The following CSMD3 variants were observed in gnomAD, a reference collection of about 807,000 sequenced individuals.
CSMD3 encodes the protein CUB and Sushi multiple domains 3, also known as CUB and sushi domain-containing protein 3.
Under a neutral mutation model 435.2 loss-of-function variants are expected in CSMD3, and 177 were observed. The observed-to-expected ratio is 0.41, with a 90% CI of 0.36 to 0.46. The LOEUF is 0.46. CSMD3 is among the 20% of genes least tolerant of loss of function. The pLI is 0.34. For missense variants in CSMD3, 4,265 were observed against 4,504.6 expected, an observed-to-expected ratio of 0.95 and a Z score of 1.52; for synonymous variants, 1,656 against 1,520.5, an observed-to-expected ratio of 1.09 and a Z score of -2.07.
chr8:113,071,173 G>C (rs2089099099), intron 5 of CSMD3, among the ~76,000 whole-genome samples: 1 of 151,764 alleles, frequency 6.6e-6, no homozygotes, highest in South Asian at 2.1e-4. Context: ...TCACTTATTT[G>C]TTTTTGTTTT....
chr8:112,310,705 C>A lies in CSMD3; in HGVS notation c.7885+273G>T, dbSNP rs1417269733. 5 of 489,624 alleles carry A rather than the reference C, an allele frequency of 1.0e-5. No homozygotes were observed. In the East Asian group the frequency reaches 2.0e-4, roughly 20 times the overall value. The allele number at this position is 489,624 out of a possible 1,614,324, so 30.3% of individuals were successfully genotyped here. ...CAATAATTGTCTTAAAACAAAGTAA[C>A]TGGAATGGAGGATGTATGAATAAAG... is the stretch of plus-strand genomic sequence containing the variant. On this transcript the variant is annotated intron_variant, in intron 50 of 70. Coordinates refer to ENST00000297405, the MANE Select transcript of CSMD3 (RefSeq NM_198123.2).
chr8:112,484,514 CATATAT>C (rs562521052), intron 31 of CSMD3, among the ~76,000 whole-genome samples: 1 of 149,370 alleles, frequency 6.7e-6, no homozygotes, highest in Non-Finnish European at 1.5e-5. Context: ...CACACACACA[CATATAT>C]ATATATGGTC....
intron 32 of CSMD3, among the ~76,000 whole-genome samples, chr8:112,465,808 C>G (rs1007120268): frequency 6.6e-6 from 1 of 151,934 alleles, no homozygotes; most frequent in Non-Finnish European, 1.5e-5. Flanking sequence ...AACCTCATCT[C>G]TACTAAAAAT....
intron 3 of CSMD3, among the ~76,000 whole-genome samples, chr8:113,242,573 G>A (rs1465351009): frequency 6.6e-6 from 1 of 151,978 alleles, no homozygotes; most frequent in African/African-American, 2.4e-5. Context: ...CTTCTGCTTT[G>A]TCATGAACAA....
intron 7 of CSMD3, among the ~76,000 whole-genome samples, chr8:112,964,612 AT>A (rs2084350105): frequency 6.6e-6 from 1 of 151,952 alleles, no homozygotes; most frequent in Non-Finnish European, 1.5e-5. Flanking sequence ...CTTTGGCTGC[AT>A]TCCTTTCTAA....
At chr8:113,250,803 T>TA (rs2093327919) in intron 3 of CSMD3, among the ~76,000 whole-genome samples, 1 of 152,228 alleles carries the variant, frequency 6.6e-6, no homozygotes, top group African/African-American at 2.4e-5. Flanking sequence ...TTACTGGGGT[T>TA]AAAAACCAAT....
At chr8:113,339,730 A>G (rs1203659998) in intron 1 of CSMD3, among the ~76,000 whole-genome samples, 1 of 151,846 alleles carries the variant, frequency 6.6e-6, no homozygotes, top group African/African-American at 2.4e-5. Context: ...AAAAATCTTT[A>G]TTGCATAGAT....
At chr8:112,642,113 A>T (rs1168997726) in intron 20 of CSMD3, among the ~76,000 whole-genome samples, 2 of 152,176 alleles carry the variant, frequency 1.3e-5, no homozygotes, top group African/African-American at 2.4e-5. Flanking sequence ...ACTTGTACTT[A>T]AAGTCAAAAT....
intron 1 of CSMD3, among the ~76,000 whole-genome samples, chr8:113,371,248 T>A (rs1302048372): frequency 6.6e-6 from 1 of 152,126 alleles, no homozygotes; most frequent in Non-Finnish European, 1.5e-5. Context: ...AGTATTCTAT[T>A]ATTTCTAAAT....
At chr8:112,841,140 G>T (rs966036006) in intron 11 of CSMD3, among the ~76,000 whole-genome samples, 1 of 151,612 alleles carries the variant, frequency 6.6e-6, no homozygotes, top group Non-Finnish European at 1.5e-5. Context: ...TGAATGAAAA[G>T]AGGAACTATT....
intron 5 of CSMD3, among the ~76,000 whole-genome samples, chr8:113,088,784 A>T (rs754701651): frequency 6.6e-6 from 1 of 151,092 alleles, no homozygotes; most frequent in Non-Finnish European, 1.5e-5. Flanking sequence ...TGGGTGCAGC[A>T]CACCAGTATG....
intron 27 of CSMD3, among the ~76,000 whole-genome samples, chr8:112,528,918 A>G (rs574944080): frequency 2.2e-4 from 34 of 152,048 alleles, no homozygotes; most frequent in African/African-American, 8.0e-4. Flanking sequence ...CCAGTCTTGG[A>G]TCTCTGATGG....
chr8:112,261,552 T>C (rs1371420145), intron 61 of CSMD3, among the ~76,000 whole-genome samples: 1 of 152,008 alleles, frequency 6.6e-6, no homozygotes, highest in East Asian at 1.9e-4. Context: ...ATGGCATATA[T>C]GTATGTGTGT....
intron 5 of CSMD3, among the ~76,000 whole-genome samples, chr8:113,055,892 C>A (rs1468031389): frequency 6.6e-6 from 1 of 152,062 alleles, no homozygotes; most frequent in Non-Finnish European, 1.5e-5. Context: ...AAGTACCAGG[C>A]AAAGGCTTGC....
At chr8:113,434,831 C>T (rs1302824558) in intron 1 of CSMD3, among the ~76,000 whole-genome samples, 2 of 152,174 alleles carry the variant, frequency 1.3e-5, no homozygotes, top group African/African-American at 4.8e-5. Context: ...CGGCGCGGAT[C>T]AGCGTTAGTC....
chr8:112,323,713 T>C (rs1266389620), intron 45 of CSMD3, among the ~76,000 whole-genome samples: 1 of 152,182 alleles, frequency 6.6e-6, no homozygotes, highest in East Asian at 1.9e-4. Context: ...TAAATTGGCC[T>C]ATAGTGTGTT....
chr8:112,830,581 G>C (rs1358550106), intron 11 of CSMD3, among the ~76,000 whole-genome samples: 3 of 151,946 alleles, frequency 2.0e-5, no homozygotes, highest in East Asian at 3.9e-4. Context: ...GTCCTGCATA[G>C]AGTCATGCTT....
intron 4 of CSMD3, among the ~76,000 whole-genome samples, chr8:113,154,565 G>A (rs1014741473): frequency 6.6e-6 from 1 of 151,968 alleles, no homozygotes; most frequent in African/African-American, 2.4e-5. Flanking sequence ...TCTTACAGTA[G>A]AGCTGCCTAT....
chr8:112,890,096 A>G (rs1344331942), intron 10 of CSMD3, among the ~76,000 whole-genome samples: 2 of 151,764 alleles, frequency 1.3e-5, no homozygotes, highest in East Asian at 3.9e-4. Flanking sequence ...ACAGTGTCAC[A>G]GTAGTATACT....
Sources: allele counts gnomAD v4.1 joint callset (sites outside exome capture counted in the v4.1 genomes callset), GRCh38; gene constraint gnomAD v4.1.1; transcripts MANE v1.5; gene names NCBI Gene and HGNC (gene_info 2026-07-23, HGNC 2026-07-21).